TNS1: variants seen among roughly 807,000 people sequenced by gnomAD.
TNS1 encodes tensin 1, also known as tensin-1.
A neutral mutation model predicts 168.6 loss-of-function variants in TNS1; 62 were observed. That is an observed-to-expected ratio of 0.37 (90% CI 0.30 to 0.45). TNS1 has a LOEUF of 0.45. Ranked by LOEUF, TNS1 falls within the 20% of genes least tolerant of loss-of-function variation. The probability of loss-of-function intolerance (pLI) is 1.00; values close to 1 mark genes in which losing one functional copy is unlikely to be tolerated. For missense variants in TNS1, 2,240 were observed against 2,339.4 expected (o/e 0.96, Z 0.88); for synonymous variants, 934 against 933.2 (o/e 1.00, Z -0.02).
chr2:218,015,317 T>G (rs1289443983), upstream of TNS1, among the ~76,000 whole-genome samples: 2 of 151,868 alleles, frequency 1.3e-5, no homozygotes, highest in African/African-American at 2.4e-5. Flanking sequence ...TAGCACAGCC[T>G]TATAGCCAGA....
Position 217,813,830 on chromosome 2 carries a change from G to A in TNS1, c.4730-14C>T, listed in dbSNP as rs766799412. 1.9e-6 allele frequency: 3 copies of A among 1,591,360 alleles called. No individual in the cohort carries two copies. The highest frequency in any genetic ancestry group is 4.5e-5 in the East Asian group (2 of 44,246). ...GGAGCGCGATGGCTGCATGGGGAAG[G>A]GACAAGGAGAGAGGAGGAAGCAAGA... On this transcript the variant is annotated splice_polypyrimidine_tract_variant and intron_variant, in intron 25 of 32. Coordinates refer to ENST00000682258, the MANE Select transcript of TNS1 (RefSeq NM_001387777.1). The surrounding 1 kb of genome is among the most constrained non-coding windows in gnomAD (Gnocchi z 4.0).
intron 7 of TNS1, among the ~76,000 whole-genome samples, chr2:217,899,936 C>A (rs1341242184): frequency 6.6e-6 from 1 of 152,208 alleles, no homozygotes; most frequent in East Asian, 1.9e-4. Flanking sequence ...GCAAAACAAA[C>A]TCTCTGGATC....
chr2:217,813,583 A>G lies in TNS1; in HGVS notation c.4861+102T>C. On this transcript the variant is annotated intron_variant, in intron 26 of 32. Transcript: ENST00000682258. The surrounding 1 kb of genome is among the most constrained non-coding windows in gnomAD (Gnocchi z 4.0). ...ACCCTCTTCCGAAGAGCCTGATGGG[A>G]GTTAAGGTCCTGCCCAGCACCCTGG... 1 of 1,479,852 alleles carries G rather than the reference A, an allele frequency of 6.8e-7. No individual in the cohort carries two copies. The highest frequency in any genetic ancestry group is 2.3e-5 in the East Asian group (1 of 43,720). The allele number at this position is 1,479,852 out of a possible 1,614,324, so 91.7% of individuals were successfully genotyped here.
chr2:217,803,972 G>T lies in TNS1; in HGVS notation c.*487C>A, dbSNP rs570189532. The T allele has an allele frequency of 6.5e-6, 1 of 155,014 alleles. No homozygotes were observed. Among genetic ancestry groups the T allele is most frequent in the South Asian group, 2.0e-4 (1 of 4,984 alleles). 9.6% of individuals were successfully genotyped at this position (155,014 alleles called of 1,614,324 possible). On this transcript the variant is annotated 3_prime_UTR_variant, in exon 33 of 33. Transcript: ENST00000682258. ...AAGCAAACAAGTTCTTCCACTTGATGTCCCACGGTGGCTCTGTTTGGTTTG... is the reference window on the plus strand; with the variant it reads ...AAGCAAACAAGTTCTTCCACTTGATTTCCCACGGTGGCTCTGTTTGGTTTG...
intron 3 of TNS1, among the ~76,000 whole-genome samples, chr2:217,922,701 A>G (rs1955787935): frequency 6.6e-6 from 1 of 152,220 alleles, no homozygotes; most frequent in Non-Finnish European, 1.5e-5. Context: ...GAGGGGGCCC[A>G]GGTATCCTGA....
intron 18 of TNS1, chr2:217,879,595 G>C (rs1377426547): frequency 3.4e-6 from 1 of 294,868 alleles, no homozygotes; most frequent in African/African-American, 2.3e-5. Flanking sequence ...AAAAAAATGT[G>C]CTCTCAGTGA....
In TNS1 at chr2:218,002,985, C is replaced by T. The variant is rs13382750; in HGVS notation, c.-113G>A. The T allele has an allele frequency of 1.3e-4, 59 of 453,466 alleles. 1 individual carries two copies. Among genetic ancestry groups the T allele is most frequent in the South Asian group, 7.8e-4 (50 of 64,364 alleles). 28.1% of individuals were successfully genotyped at this position (453,466 alleles called of 1,614,324 possible). A position where few individuals can be genotyped will look rare whatever the true frequency, so the allele number is the denominator to read the frequency against. On this transcript the variant is annotated 5_prime_UTR_variant, in exon 1 of 33. Coordinates refer to ENST00000682258, the MANE Select transcript of TNS1 (RefSeq NM_001387777.1). ...TCTGAGTCCGCGGCTGCTCCGGCTC[C>T]GCCAGCATCTGCTGGGCCTCTCGCC... is the stretch of plus-strand genomic sequence containing the variant.
intron 1 of TNS1, among the ~76,000 whole-genome samples, chr2:218,024,311 TCC>T (rs1958834260): frequency 9.3e-6 from 1 of 107,486 alleles, no homozygotes; most frequent in East Asian, 2.9e-4. Context: ...CACCCCCCCA[TCC>T]CCCCACGGAA....
intron 3 of TNS1, among the ~76,000 whole-genome samples, chr2:217,946,790 A>T (rs922724124): frequency 1.3e-5 from 2 of 151,964 alleles, no homozygotes; most frequent in Non-Finnish European, 2.9e-5. Context: ...AGAACTATAA[A>T]CCCAGCAAGT....
chr2:217,834,575 G>A (rs986549665), intron 21 of TNS1, among the ~76,000 whole-genome samples: 33 of 152,302 alleles, frequency 2.2e-4, no homozygotes, highest in African/African-American at 7.5e-4. Flanking sequence ...GGGGCTGGGG[G>A]CTAAATGCCT....
intron 1 of TNS1, among the ~76,000 whole-genome samples, chr2:218,031,434 T>A (rs992978786): frequency 6.6e-6 from 1 of 151,150 alleles, no homozygotes; most frequent in African/African-American, 2.5e-5. Context: ...TAAGTGTGTG[T>A]GTGCATGTGT....
intron 16 of TNS1, among the ~76,000 whole-genome samples, chr2:217,884,297 AGATGGATGGACAGACGGATG>A (rs1950980157): frequency 2.0e-5 from 3 of 151,566 alleles, no homozygotes; most frequent in African/African-American, 7.3e-5. Flanking sequence ...ATGGATGGAC[AGATGGATGGACAGACGGATG>A]GATGAATGGA....
intron 18 of TNS1, among the ~76,000 whole-genome samples, chr2:217,868,234 T>C (rs1000349881): frequency 6.6e-6 from 1 of 152,262 alleles, no homozygotes; most frequent in Non-Finnish European, 1.5e-5. Context: ...CCTATCCTTA[T>C]GTCATTCCCA....
At chr2:217,976,927 G>C (rs944798221) in intron 3 of TNS1, among the ~76,000 whole-genome samples, 2 of 152,210 alleles carry the variant, frequency 1.3e-5, no homozygotes, top group African/African-American at 4.8e-5. Flanking sequence ...AAAGGCCCAG[G>C]GACAGAGAGC....
At chr2:217,909,631 G>A (rs768485255) in intron 4 of TNS1, among the ~76,000 whole-genome samples, 4 of 151,330 alleles carry the variant, frequency 2.6e-5, no homozygotes, top group South Asian at 2.1e-4. Flanking sequence ...ACTTAAGGAC[G>A]TGCATTTCTA....
At chr2:217,863,007 G>T (rs1319252848) in intron 18 of TNS1, among the ~76,000 whole-genome samples, 1 of 150,196 alleles carries the variant, frequency 6.7e-6, no homozygotes, top group African/African-American at 2.5e-5. Context: ...ACACTGAGGG[G>T]TCTCTCCAGG....
chr2:217,900,296 AC>A (rs1426918040), intron 7 of TNS1, among the ~76,000 whole-genome samples, 166 bp downstream of exon 7: 1 of 152,238 alleles, frequency 6.6e-6, no homozygotes, highest in Admixed American at 6.5e-5. Flanking sequence ...ACTGTTGCCA[AC>A]GGCATCCGCA....
intron 3 of TNS1, among the ~76,000 whole-genome samples, chr2:217,961,917 G>T (rs925874802): frequency 6.6e-6 from 1 of 152,166 alleles, no homozygotes; most frequent in Admixed American, 6.5e-5. Context: ...TGAAAAGGTG[G>T]GTGGCCTTCT....
intron 1 of TNS1, among the ~76,000 whole-genome samples, chr2:218,017,717 A>C (rs927944284): frequency 6.6e-6 from 1 of 152,274 alleles, no homozygotes; most frequent in Non-Finnish European, 1.5e-5. Context: ...CTAGGTTCCT[A>C]ACCTCATGGA....
Sources: gnomAD v4.1 joint callset for allele counts (sites outside exome capture counted in the v4.1 genomes callset) on GRCh38, gnomAD v4.1.1 for gene constraint, Gnocchi (gnomAD v3.1) non-coding constraint, MANE v1.5 for transcripts, NCBI Gene and HGNC (gene_info 2026-07-23, HGNC 2026-07-21) for gene names.